Variants in CNTNAP2 observed in about 807,000 individuals in gnomAD.
CNTNAP2 encodes contactin associated protein 2, also known as contactin-associated protein-like 2.
Under a neutral mutation model 155.2 loss-of-function variants are expected in CNTNAP2, and 98 were observed. That is an observed-to-expected ratio of 0.63 (90% CI 0.54 to 0.75). The LOEUF is 0.75. CNTNAP2 is among the 30% of genes least tolerant of loss of function. CNTNAP2 has a pLI of 0.00. For synonymous variants in CNTNAP2, 651 were observed against 631.2 expected (o/e 1.03, Z -0.47); for missense variants, 1,727 against 1,688.1 (o/e 1.02, Z -0.40).
chr7:147,801,637 G>A (rs1275889893), intron 13 of CNTNAP2, among the ~76,000 whole-genome samples: 1 of 151,962 alleles, frequency 6.6e-6, no homozygotes, highest in African/African-American at 2.4e-5. Flanking sequence ...CACAGGGTTG[G>A]GGGTAAGGTC....
intron 1 of CNTNAP2, among the ~76,000 whole-genome samples, chr7:146,336,577 A>T (rs1801279635): frequency 6.6e-6 from 1 of 152,158 alleles, no homozygotes; most frequent in Non-Finnish European, 1.5e-5. Context: ...TATCAAAACT[A>T]AAAATATTTC....
chr7:147,986,906 GTTTTT>G (rs891369218), intron 15 of CNTNAP2, among the ~76,000 whole-genome samples: 1 of 144,946 alleles, frequency 6.9e-6, no homozygotes, highest in African/African-American at 2.6e-5. Flanking sequence ...TGTGTGGTTG[GTTTTT>G]TTTAACTTTT....
At chr7:147,635,764 G>A (rs576010858) in intron 12 of CNTNAP2, among the ~76,000 whole-genome samples, 4 of 152,278 alleles carry the variant, frequency 2.6e-5, no homozygotes, top group African/African-American at 7.2e-5. Flanking sequence ...ATTAATGCTT[G>A]CCTTTATGAC....
intron 3 of CNTNAP2, among the ~76,000 whole-genome samples, chr7:146,930,666 T>G (rs929734153): frequency 2.6e-5 from 4 of 152,328 alleles, no homozygotes; most frequent in Middle Eastern, 3.4e-3. Context: ...TCAAGACTTA[T>G]CAGTGTGCTG....
At chr7:147,468,788 A>G (rs1412614173) in intron 10 of CNTNAP2, among the ~76,000 whole-genome samples, 1 of 152,152 alleles carries the variant, frequency 6.6e-6, no homozygotes, top group East Asian at 1.9e-4. Context: ...TATGTAAGAA[A>G]GTAGCAGGAT....
At chr7:146,909,235 C>A (rs1796220383) in intron 3 of CNTNAP2, among the ~76,000 whole-genome samples, 1 of 147,192 alleles carries the variant, frequency 6.8e-6, no homozygotes, top group Non-Finnish European at 1.5e-5. Context: ...CAAGGAGGAA[C>A]TGGTACCATT....
At chr7:146,898,302 T>C (rs2129213001) in intron 3 of CNTNAP2, among the ~76,000 whole-genome samples, 1 of 152,226 alleles carries the variant, frequency 6.6e-6, no homozygotes, top group South Asian at 2.1e-4. Context: ...AAAAATAGTT[T>C]TATTGTTTTC....
intron 13 of CNTNAP2, among the ~76,000 whole-genome samples, chr7:147,866,217 A>G (rs1490008039): frequency 2.0e-5 from 3 of 152,128 alleles, no homozygotes; most frequent in Non-Finnish European, 4.4e-5. Context: ...TTCAGTTTCC[A>G]TGTAGTTGTG....
At chr7:147,288,642 A>G (rs10952678) in intron 8 of CNTNAP2, among the ~76,000 whole-genome samples, 71,748 of 152,088 alleles carry the variant, frequency 0.47, 17,557 homozygotes, top group East Asian at 0.76. Context: ...GCAGTTACTC[A>G]TGGCCAAAGC....
At chr7:147,097,487 G>A (rs77388641) in intron 4 of CNTNAP2, 4,853 of 152,274 alleles carry the variant, frequency 0.032, 249 homozygotes, top group African/African-American at 0.11. Context: ...AGGGGACCTT[G>A]AACATGGCGG....
At chr7:148,290,043 A>G (rs1797161186) in intron 21 of CNTNAP2, among the ~76,000 whole-genome samples, 1 of 152,236 alleles carries the variant, frequency 6.6e-6, no homozygotes, top group Non-Finnish European at 1.5e-5. Context: ...GTTCAGTGTT[A>G]TATGCAGAAT....
At chr7:146,298,506 G>A (rs1449469071) in intron 1 of CNTNAP2, among the ~76,000 whole-genome samples, 1 of 152,186 alleles carries the variant, frequency 6.6e-6, no homozygotes, top group African/African-American at 2.4e-5. Flanking sequence ...TAACAGCAGA[G>A]TCTCAAGGCA....
intron 1 of CNTNAP2, among the ~76,000 whole-genome samples, chr7:146,737,885 AC>A (rs1201062438): frequency 6.6e-6 from 1 of 152,112 alleles, no homozygotes; most frequent in Non-Finnish European, 1.5e-5. Context: ...AGATATACAA[AC>A]ACACATACCA....
chr7:146,515,462 A>G (rs1011736049), intron 1 of CNTNAP2, among the ~76,000 whole-genome samples: 2 of 152,048 alleles, frequency 1.3e-5, no homozygotes, highest in African/African-American at 4.8e-5. Flanking sequence ...TCACAGCCTA[A>G]GTTTTGAGTT....
chr7:148,364,715 C>A (rs2116624773), intron 21 of CNTNAP2, among the ~76,000 whole-genome samples: 2 of 152,292 alleles, frequency 1.3e-5, no homozygotes, highest in Middle Eastern at 6.8e-3. Context: ...AGTGCCCTGA[C>A]AAAACAGGCC....
At chr7:147,636,578 T>C (rs1795184457) in intron 12 of CNTNAP2, among the ~76,000 whole-genome samples, 1 of 152,160 alleles carries the variant, frequency 6.6e-6, no homozygotes, top group Non-Finnish European at 1.5e-5. Flanking sequence ...TTTGTCCTAA[T>C]GCTCTCCCTC....
intron 1 of CNTNAP2, among the ~76,000 whole-genome samples, chr7:146,676,388 A>C (rs1031647799): frequency 6.6e-6 from 1 of 152,090 alleles, no homozygotes; most frequent in Non-Finnish European, 1.5e-5. Flanking sequence ...ACCTGGGAGC[A>C]TTGATTCAAG....
intron 12 of CNTNAP2, among the ~76,000 whole-genome samples, chr7:147,627,467 G>A (rs1477190534): frequency 6.6e-6 from 1 of 152,056 alleles, no homozygotes; most frequent in Non-Finnish European, 1.5e-5. Flanking sequence ...GGAGGCTGAG[G>A]CAGGTGGATC....
intron 8 of CNTNAP2, among the ~76,000 whole-genome samples, chr7:147,242,608 G>C (rs1490140988): frequency 6.6e-6 from 1 of 151,974 alleles, no homozygotes; most frequent in Non-Finnish European, 1.5e-5. Flanking sequence ...CGATCGTTTT[G>C]CTGCCTGTAC....
Sources: allele counts gnomAD v4.1 joint callset (sites outside exome capture counted in the v4.1 genomes callset), GRCh38; gene constraint gnomAD v4.1.1; transcripts MANE v1.5; gene names NCBI Gene and HGNC (gene_info 2026-07-23, HGNC 2026-07-21).